PITPNC1: variants seen among roughly 807,000 people sequenced by gnomAD.
PITPNC1 encodes cytoplasmic phosphatidylinositol transfer protein 1.
A neutral mutation model predicts 44.7 loss-of-function variants in PITPNC1; 18 were observed. The ratio of observed to expected loss-of-function variants is 0.40; its 90% CI spans 0.28 to 0.60. The LOEUF (loss-of-function observed/expected upper bound fraction) is 0.60. Among genes scored for constraint, PITPNC1 ranks in the 20% least tolerant of loss-of-function variants. PITPNC1 has a pLI of 0.39. For missense variants in PITPNC1, 290 were observed against 418.4 expected, an observed-to-expected ratio of 0.69 and a Z score of 2.68; for synonymous variants, 141 against 149.6, an observed-to-expected ratio of 0.94 and a Z score of 0.42.
At chr17:67,538,076 T>A (rs2040554248) in intron 2 of PITPNC1, among the ~76,000 whole-genome samples, 2 of 151,942 alleles carry the variant, frequency 1.3e-5, no homozygotes, top group Admixed American at 6.6e-5. Flanking sequence ...ATTATAAAGC[T>A]AATTCAGTAA....
intron 4 of PITPNC1, among the ~76,000 whole-genome samples, chr17:67,565,287 G>A (rs1389970842): frequency 6.7e-6 from 1 of 149,892 alleles, no homozygotes; most frequent in African/African-American, 2.5e-5. Flanking sequence ...GGTTTTTGAT[G>A]TGTATATTAG....
intron 5 of PITPNC1, among the ~76,000 whole-genome samples, chr17:67,584,774 A>G (rs1237195724): frequency 6.6e-6 from 1 of 152,164 alleles, no homozygotes; most frequent in Non-Finnish European, 1.5e-5. Flanking sequence ...AGCACCTACT[A>G]TGTCCCAGGC....
At chr17:67,623,109 C>CAAAAAAAA (rs1198070826) in intron 5 of PITPNC1, among the ~76,000 whole-genome samples, 9 of 85,276 alleles carry the variant, frequency 1.1e-4, no homozygotes, top group South Asian at 5.4e-4. Context: ...TCCCAAAAGC[C>CAAAAAAAA]AAAAAAAAAA....
chr17:67,582,438 A>G (rs1257190387), intron 5 of PITPNC1, among the ~76,000 whole-genome samples: 5 of 152,224 alleles, frequency 3.3e-5, no homozygotes, highest in Non-Finnish European at 5.9e-5. Context: ...CAAAAATTTA[A>G]TGAAATTGAT....
chr17:67,408,205 C>G lies in PITPNC1; in HGVS notation c.48+30003C>G, dbSNP rs137998458. ...CTGAGCTCAGGCAGTCCACCCACCT[C>G]AGCCTCCCAAAGTACTAGGATTACA... On this transcript the variant is annotated intron_variant, in intron 1 of 8. Coordinates refer to ENST00000581322, the MANE Select transcript of PITPNC1 (RefSeq NM_012417.4). Among the ~76,000 whole-genome samples, 366 of 152,276 alleles carry G rather than the reference C, an allele frequency of 2.4e-3. 1 individual carries two copies. The highest frequency in any genetic ancestry group is 8.3e-3 in the African/African-American group (345 of 41,566).
At chr17:67,689,316 C>T (rs1462880681) in intron 8 of PITPNC1, among the ~76,000 whole-genome samples, 1 of 152,016 alleles carries the variant, frequency 6.6e-6, no homozygotes, top group Non-Finnish European at 1.5e-5. Context: ...ATGGAAAAGC[C>T]CACATAATCT....
intron 5 of PITPNC1, among the ~76,000 whole-genome samples, chr17:67,591,841 C>T (rs2041395444): frequency 6.6e-6 from 1 of 151,956 alleles, no homozygotes; most frequent in South Asian, 2.1e-4. Context: ...TTCTTAGTAG[C>T]TGGGACTACA....
chr17:67,515,988 A>C (rs1202905433), intron 1 of PITPNC1, among the ~76,000 whole-genome samples: 2 of 152,012 alleles, frequency 1.3e-5, no homozygotes, highest in Admixed American at 6.6e-5. Context: ...GCTTCCTTTC[A>C]TGGTTGTGTG....
chr17:67,444,436 G>A (rs983524411), intron 1 of PITPNC1, among the ~76,000 whole-genome samples: 3 of 152,194 alleles, frequency 2.0e-5, no homozygotes, highest in East Asian at 1.9e-4. Context: ...GTGGCGGAGG[G>A]GGGTGAGCAG....
At chr17:67,672,839 C>A (rs2042537926) in intron 7 of PITPNC1, among the ~76,000 whole-genome samples, 1 of 152,064 alleles carries the variant, frequency 6.6e-6, no homozygotes, top group African/African-American at 2.4e-5. Flanking sequence ...CTAGCATTTG[C>A]ATGGGTTGAA....
At chr17:67,634,721 AT>A (rs2042012716) in intron 6 of PITPNC1, among the ~76,000 whole-genome samples, 1 of 152,090 alleles carries the variant, frequency 6.6e-6, no homozygotes, top group Admixed American at 6.6e-5. Flanking sequence ...AGGAAACTGA[AT>A]TTAAGAGGAT....
intron 5 of PITPNC1, among the ~76,000 whole-genome samples, chr17:67,599,591 A>C (rs953814597): frequency 2.0e-5 from 3 of 152,158 alleles, no homozygotes; most frequent in Non-Finnish European, 2.9e-5. Context: ...ACACCAAGGA[A>C]GAAATTGTCA....
At position 67,531,824 on chromosome 17, in the gene PITPNC1, C is replaced by T. The variant is rs577626189; in HGVS notation, c.49-978C>T. Among the ~76,000 whole-genome samples the T allele has an allele frequency of 1.3e-4, 20 of 152,204 alleles. No homozygotes were observed. The South Asian group carries it at 1.7e-3, about 13-fold the overall frequency. The stretch of plus-strand genomic sequence containing the variant: ...TCTCTAGGAAGGATGGCAGCAGGGT[C>T]GCATCGTCCTGCGTCCTGACTCTGA... On this transcript the variant is annotated intron_variant, in intron 1 of 8. Transcript: ENST00000581322.
Position 67,694,503 on chromosome 17 carries a change from G to A in PITPNC1, c.*1615G>A, listed in dbSNP as rs1019213640. The stretch of plus-strand genomic sequence containing the variant: ...CAGCACTCTGTGTAGTGTCTTTCAG[G>A]TTGATACACTCTCCCAAGGTGCAGG... On this transcript the variant is annotated 3_prime_UTR_variant, in exon 9 of 9. Coordinates refer to ENST00000581322, the MANE Select transcript of PITPNC1 (RefSeq NM_012417.4). 1.3e-5 allele frequency: 2 copies of A among 152,182 alleles called. No individual in the cohort carries two copies. The highest frequency in any genetic ancestry group is 2.9e-5 in the Non-Finnish European group (2 of 68,054). 9.4% of individuals were successfully genotyped at this position (152,182 alleles called of 1,614,324 possible).
intron 1 of PITPNC1, among the ~76,000 whole-genome samples, chr17:67,484,996 G>A (rs1431323437): frequency 6.6e-6 from 1 of 152,016 alleles, no homozygotes. Context: ...CTTGATCGTT[G>A]TGCCAAGAAA....
chr17:67,497,243 G>A (rs943436613), intron 1 of PITPNC1, among the ~76,000 whole-genome samples: 2 of 147,276 alleles, frequency 1.4e-5, no homozygotes, highest in Non-Finnish European at 3.0e-5. Flanking sequence ...TTTTTGAGAC[G>A]GCGTCTCATT....
At chr17:67,673,513 T>C (rs35195720) in intron 7 of PITPNC1, among the ~76,000 whole-genome samples, 1 of 152,214 alleles carries the variant, frequency 6.6e-6, no homozygotes, top group African/African-American at 2.4e-5. Flanking sequence ...AAGCTTGTCA[T>C]TCCCATTACG....
At chr17:67,641,668 A>G (rs1308886392) in intron 6 of PITPNC1, among the ~76,000 whole-genome samples, 3 of 152,006 alleles carry the variant, frequency 2.0e-5, no homozygotes, top group Non-Finnish European at 4.4e-5. Flanking sequence ...GTGATGGCAC[A>G]TGCCTGGAGT....
At chr17:67,423,167 C>CT (rs933520991) in intron 1 of PITPNC1, among the ~76,000 whole-genome samples, 1 of 152,058 alleles carries the variant, frequency 6.6e-6, no homozygotes, top group African/African-American at 2.4e-5. Context: ...TGTTCGGAAG[C>CT]TTTTTGTGGC....
Sources: allele counts gnomAD v4.1 joint callset (sites outside exome capture counted in the v4.1 genomes callset), GRCh38; gene constraint gnomAD v4.1.1; transcripts MANE v1.5; gene names NCBI Gene and HGNC (gene_info 2026-07-23, HGNC 2026-07-21).